SLC12A6: variants seen among roughly 807,000 people sequenced by gnomAD.
SLC12A6 encodes the protein solute carrier family 12 member 6, also known as K-Cl cotransporter 3.
SLC12A6 carries 66 observed loss-of-function variants against 135.3 expected under a neutral mutation model. The observed-to-expected ratio is 0.49, with a 90% confidence interval of 0.40 to 0.60. SLC12A6 has a LOEUF of 0.60. SLC12A6 is among the 20% of genes least tolerant of loss of function. SLC12A6 has a pLI of 0.00. For synonymous variants in SLC12A6, 513 were observed against 508.8 expected, an observed-to-expected ratio of 1.01 and a Z score of -0.11; for missense variants, 1,058 against 1,452.3, an observed-to-expected ratio of 0.73 and a Z score of 4.41.
At chr15:34,252,975 T>C (rs899305401) in intron 9 of SLC12A6, among the ~76,000 whole-genome samples, 4 of 152,168 alleles carry the variant, frequency 2.6e-5, no homozygotes, top group African/African-American at 9.7e-5. Flanking sequence ...GATCCCTCTA[T>C]GGCCTAAGAG....
At chr15:34,242,844 C>T (rs911375263) in intron 16 of SLC12A6, among the ~76,000 whole-genome samples, 22 of 152,098 alleles carry the variant, frequency 1.4e-4, no homozygotes, top group African/African-American at 5.3e-4. Context: ...TCCTGGCTAA[C>T]ACGGTGAAAC....
At chr15:34,296,634 G>A (rs766432311) in intron 2 of SLC12A6, among the ~76,000 whole-genome samples, 2 of 152,170 alleles carry the variant, frequency 1.3e-5, no homozygotes, top group Non-Finnish European at 2.9e-5. Flanking sequence ...TAGGTATCTG[G>A]TGCATGGAAC....
intron 13 of SLC12A6, among the ~76,000 whole-genome samples, chr15:34,249,130 G>C (rs1892210535): frequency 6.6e-6 from 1 of 152,140 alleles, no homozygotes; most frequent in Non-Finnish European, 1.5e-5. Context: ...CAGTGTGGAA[G>C]AAGGATTAGA....
In SLC12A6 at chr15:34,322,028, C is replaced by T. The variant is rs111938890; in HGVS notation, c.271+14382G>A. On this transcript the variant is annotated intron_variant, in intron 2 of 25. Transcript: ENST00000354181. ...CTAGAGTGATGGTAATATTCTACAT[C>T]TTGATGGGGTTTAGGATTCCACAGG... Among the ~76,000 whole-genome samples, 272 of 152,260 alleles carry T rather than the reference C, an allele frequency of 1.8e-3. 3 individuals are homozygous for T. The highest frequency in any genetic ancestry group is 6.3e-3 in the African/African-American group (261 of 41,542).
Position 34,336,711 on chromosome 15 carries a change from G to C in SLC12A6, c.-31C>G. On this transcript the variant is annotated 5_prime_UTR_variant, in exon 2 of 26. Transcript: ENST00000354181. ...TCTTTTTAAGAACAAAAAAAGTGGG[G>C]GGAACCTCGCAAAATCTTCCTCTTA... 1 of 1,605,906 alleles carries C rather than the reference G, an allele frequency of 6.2e-7. No individual in the cohort carries two copies. Among genetic ancestry groups the C allele is most frequent in the Non-Finnish European group, 8.5e-7 (1 of 1,172,594 alleles).
chr15:34,286,230 T>C (rs1360676254), intron 2 of SLC12A6, among the ~76,000 whole-genome samples: 3 of 151,790 alleles, frequency 2.0e-5, no homozygotes, highest in Non-Finnish European at 4.4e-5. Flanking sequence ...CGTGCCACCA[T>C]GCTCAACTAA....
chr15:34,238,295 C>G lies in SLC12A6; in HGVS notation c.2739G>C (p.Val913=). 6.2e-7 allele frequency: 1 copy of G among 1,613,656 alleles called. No homozygotes were observed. The highest frequency in any genetic ancestry group is 8.5e-7 in the Non-Finnish European group (1 of 1,179,520). The change falls in exon 21 of 26, where the codon GTG becomes GTC. Residue 913 remains valine (V), a synonymous_variant. Transcript: ENST00000354181. The part of the protein sequence containing the change: ...VEQFSEGNID[V]WWIVHDGGML... ...TCCCCCCATCATGCACAATCCACCA[C>G]ACATCAATGTTGCCCTCAGAAAATT...
At chr15:34,327,027 G>C (rs1205910921) in intron 2 of SLC12A6, among the ~76,000 whole-genome samples, 1 of 151,962 alleles carries the variant, frequency 6.6e-6, no homozygotes, top group Non-Finnish European at 1.5e-5. Flanking sequence ...CATGTGCCTA[G>C]GTTCAATCAT....
At chr15:34,321,801 T>C (rs1170908486) in intron 2 of SLC12A6, among the ~76,000 whole-genome samples, 2 of 152,346 alleles carry the variant, frequency 1.3e-5, no homozygotes, top group Admixed American at 1.3e-4. Flanking sequence ...AAACTAGATA[T>C]GTTCAACAAC....
chr15:34,288,891 C>T (rs347808), intron 2 of SLC12A6, among the ~76,000 whole-genome samples: 6,473 of 152,186 alleles, frequency 0.043, 430 homozygotes, highest in African/African-American at 0.15. Context: ...TGGGCTGAGA[C>T]GATGGGGTTT....
chr15:34,318,752 T>A, intron 2 of SLC12A6: 1 of 1,603,610 alleles, frequency 6.2e-7, no homozygotes, highest in Non-Finnish European at 8.5e-7. Context: ...GCCTACCTCT[T>A]CCTTGCTGTC....
At chr15:34,286,383 AT>A (rs902741457) in intron 2 of SLC12A6, among the ~76,000 whole-genome samples, 1 of 151,612 alleles carries the variant, frequency 6.6e-6, no homozygotes, top group Non-Finnish European at 1.5e-5. Flanking sequence ...GCCTTATGCT[AT>A]TTTTTTAAGC....
chr15:34,280,451 G>C (rs528942180), intron 2 of SLC12A6, among the ~76,000 whole-genome samples: 1 of 151,986 alleles, frequency 6.6e-6, no homozygotes, highest in Non-Finnish European at 1.5e-5. Context: ...GTCTTAACAC[G>C]TAAGGCATTT....
At chr15:34,256,082 T>C in intron 7 of SLC12A6, 147 bp downstream of exon 7, 1 of 686,746 alleles carries the variant, frequency 1.5e-6, no homozygotes, top group South Asian at 1.5e-5. Flanking sequence ...AGTAGTATTA[T>C]GTCTACGTCC....
chr15:34,251,632 C>A (rs1431734303), intron 10 of SLC12A6, among the ~76,000 whole-genome samples: 1 of 152,094 alleles, frequency 6.6e-6, no homozygotes, highest in Non-Finnish European at 1.5e-5. Flanking sequence ...TTTACTAATG[C>A]AAATTAGTAA....
At chr15:34,327,903 T>C (rs1318627472) in intron 2 of SLC12A6, among the ~76,000 whole-genome samples, 1 of 152,120 alleles carries the variant, frequency 6.6e-6, no homozygotes, top group Non-Finnish European at 1.5e-5. Context: ...AGGTGCTACT[T>C]TGCCAAAAAT....
intron 2 of SLC12A6, among the ~76,000 whole-genome samples, chr15:34,307,919 G>A (rs1354573842): frequency 2.6e-5 from 4 of 152,024 alleles, no homozygotes; most frequent in Non-Finnish European, 5.9e-5. Flanking sequence ...AAGAATACAG[G>A]AAAATAAATG....
intron 2 of SLC12A6, among the ~76,000 whole-genome samples, chr15:34,327,633 G>A (rs956137617): frequency 6.6e-6 from 1 of 151,786 alleles, no homozygotes; most frequent in African/African-American, 2.4e-5. Flanking sequence ...ACTACAGCCT[G>A]GGCAATAGAG....
chr15:34,245,781 G>A lies in SLC12A6; in HGVS notation c.1736C>T (p.Ser579Leu), dbSNP rs1595419590. ...GCTCTGAAGTCCAGCCCCACATGTT[G>A]AAAAGAAGGAGCCAATAACAATCAC... ...PWVIVIGSFF[S>L]TCGAGLQSLT... The change falls in exon 14 of 26, where the codon TCA becomes TTA. Residue 579 changes from serine to leucine, a missense_variant. Ser to Leu is a moderately radical substitution (Grantham distance 145, BLOSUM62 -2). Transcript: ENST00000354181. The A allele has an allele frequency of 6.2e-7, 1 of 1,613,592 alleles. No individual in the cohort carries two copies. The highest frequency in any genetic ancestry group is 1.1e-5 in the South Asian group (1 of 91,074).
Sources: gnomAD v4.1 joint callset for allele counts (sites outside exome capture counted in the v4.1 genomes callset) on GRCh38, gnomAD v4.1.1 for gene constraint, MANE v1.5 for transcripts, NCBI Gene and HGNC (gene_info 2026-07-23, HGNC 2026-07-21) for gene names.